FOXN3: variants seen among roughly 807,000 people sequenced by gnomAD.
FOXN3 encodes the protein forkhead box N3, also known as forkhead box protein N3.
FOXN3 carries 7 observed loss-of-function variants against 38.4 expected under a neutral mutation model. The ratio of observed to expected loss-of-function variants is 0.18; its 90% CI spans 0.10 to 0.34. The LOEUF is 0.34. Ranked by LOEUF, FOXN3 falls within the 10% of genes least tolerant of loss-of-function variation. The pLI is 1.00. For synonymous variants in FOXN3, 230 were observed against 242.2 expected, an observed-to-expected ratio of 0.95 and a Z score of 0.47; for missense variants, 456 against 613.4, an observed-to-expected ratio of 0.74 and a Z score of 2.71.
intron 3 of FOXN3, among the ~76,000 whole-genome samples, chr14:89,287,791 CT>C (rs1232036805): frequency 6.7e-6 from 1 of 148,164 alleles, no homozygotes; most frequent in Non-Finnish European, 1.5e-5. Flanking sequence ...TGGCTCACCC[CT>C]GTAACCTCAG....
chr14:89,449,854 C>T (rs1157842277), intron 1 of FOXN3, among the ~76,000 whole-genome samples: 1 of 152,070 alleles, frequency 6.6e-6, no homozygotes, highest in Non-Finnish European at 1.5e-5. Flanking sequence ...ATGGGGAGAG[C>T]CAGAACACTG....
intron 4 of FOXN3, among the ~76,000 whole-genome samples, chr14:89,260,968 T>G (rs1357768183): frequency 3.3e-5 from 5 of 152,226 alleles, no homozygotes; most frequent in Non-Finnish European, 7.3e-5. Flanking sequence ...CCAATTTACA[T>G]GTTAGCATAT....
At chr14:89,433,634 C>G (rs759931949) in intron 1 of FOXN3, among the ~76,000 whole-genome samples, 6 of 152,008 alleles carry the variant, frequency 3.9e-5, no homozygotes, top group Non-Finnish European at 5.9e-5. Context: ...GAAACTCTGT[C>G]TCTACTAAAA....
intron 2 of FOXN3, among the ~76,000 whole-genome samples, chr14:89,369,237 C>T (rs148014545): frequency 3.3e-5 from 5 of 152,294 alleles, no homozygotes; most frequent in East Asian, 1.9e-4. Context: ...AAATTTTTAA[C>T]TCACTCATTA....
At chr14:89,182,325 T>A (rs1011918912) in intron 4 of FOXN3, among the ~76,000 whole-genome samples, 1 of 152,236 alleles carries the variant, frequency 6.6e-6, no homozygotes, top group Admixed American at 6.5e-5. Context: ...ATTCTGCACT[T>A]CTTGCTAATA....
intron 4 of FOXN3, among the ~76,000 whole-genome samples, chr14:89,236,571 T>C (rs967181282): frequency 2.0e-5 from 3 of 152,178 alleles, no homozygotes; most frequent in East Asian, 3.9e-4. Flanking sequence ...CTGAGGACTC[T>C]GGAGCTTTAG....
intron 1 of FOXN3, among the ~76,000 whole-genome samples, chr14:89,547,164 A>C (rs1314970346): frequency 2.0e-5 from 3 of 152,220 alleles, no homozygotes; most frequent in African/African-American, 7.2e-5. Context: ...GGGAATGTGA[A>C]ATTGGATAAC....
At position 89,163,738 on chromosome 14, in the gene FOXN3, T is replaced by A. The variant is rs574207351; in HGVS notation, c.852-769A>T. Among the ~76,000 whole-genome samples, 69 of 152,332 alleles carry A rather than the reference T, an allele frequency of 4.5e-4. No individual in the cohort carries two copies. The highest frequency in any genetic ancestry group is 1.0e-3 in the South Asian group (5 of 4,820). On this transcript the variant is annotated intron_variant, in intron 5 of 5. Coordinates refer to ENST00000557258, the MANE Select transcript of FOXN3 (RefSeq NM_005197.4). This position sits in a 1 kb window ranked among gnomAD's most constrained non-coding sequence, Gnocchi z 4.3. ...CATGTTTAACTCCGTAAGGTGGATA[T>A]TAGCATCCTTATTTTACAGTGGCTC...
chr14:89,593,422 T>G (rs1045753942), intron 1 of FOXN3, among the ~76,000 whole-genome samples: 2 of 152,084 alleles, frequency 1.3e-5, no homozygotes, highest in Non-Finnish European at 2.9e-5. Flanking sequence ...GTAGATCACC[T>G]AAAGTCAGGA....
intron 5 of FOXN3, among the ~76,000 whole-genome samples, chr14:89,168,768 G>A (rs189772750): frequency 7.7e-4 from 117 of 152,248 alleles, no homozygotes; most frequent in African/African-American, 2.8e-3. Context: ...AAGCCAACAC[G>A]TCCCATGCGG....
At position 89,182,901 on chromosome 14, in the gene FOXN3, A is replaced by T. The variant is rs58432668; in HGVS notation, c.746-2095T>A. Among the ~76,000 whole-genome samples, 784 of 152,312 alleles carry T rather than the reference A, an allele frequency of 5.1e-3. 9 individuals carry two copies. The highest frequency in any genetic ancestry group is 0.018 in the African/African-American group (746 of 41,566). On this transcript the variant is annotated intron_variant, in intron 4 of 5. Transcript: ENST00000557258. ...AAAGCAAGTGTTAGAACAACCAGAGATCCATTTGGGAAAAAAATGAACCTT... is the reference window on the plus strand; with the variant it reads ...AAAGCAAGTGTTAGAACAACCAGAGTTCCATTTGGGAAAAAAATGAACCTT...
intron 4 of FOXN3, among the ~76,000 whole-genome samples, chr14:89,279,142 C>G (rs1314960465): frequency 6.6e-6 from 1 of 152,178 alleles, no homozygotes; most frequent in Non-Finnish European, 1.5e-5. Flanking sequence ...CTCCCAAGCT[C>G]TCATCAAGAT....
chr14:89,554,954 G>A (rs145049271), intron 1 of FOXN3, among the ~76,000 whole-genome samples: 16,791 of 151,628 alleles, frequency 0.11, 2,107 homozygotes, highest in African/African-American at 0.31. Context: ...ATGCCTGGCT[G>A]GTTTTTTTGT....
chr14:89,389,032 T>G (rs1890865037), intron 2 of FOXN3, among the ~76,000 whole-genome samples: 1 of 152,068 alleles, frequency 6.6e-6, no homozygotes, highest in African/African-American at 2.4e-5. Flanking sequence ...CTACAAGGGC[T>G]GATTTTGGAG....
intron 1 of FOXN3, chr14:89,576,344 T>TA (rs1348842052): frequency 6.6e-6 from 1 of 152,224 alleles, no homozygotes; most frequent in Non-Finnish European, 1.5e-5. Context: ...GCTAGGAATG[T>TA]AATGTTGACA....
At chr14:89,290,974 G>T in intron 3 of FOXN3, 1 of 380,196 alleles carries the variant, frequency 2.6e-6, no homozygotes, top group Non-Finnish European at 5.2e-6. Flanking sequence ...TGTGGGTGCT[G>T]CGGACCTGTT....
At chr14:89,559,100 C>T (rs949638213) in intron 1 of FOXN3, among the ~76,000 whole-genome samples, 1 of 152,004 alleles carries the variant, frequency 6.6e-6, no homozygotes, top group Non-Finnish European at 1.5e-5. Context: ...TGGCTCACAC[C>T]GGTAATCCCA....
chr14:89,247,844 G>A (rs915258100), intron 4 of FOXN3, among the ~76,000 whole-genome samples: 2 of 152,080 alleles, frequency 1.3e-5, no homozygotes, highest in Non-Finnish European at 2.9e-5. Flanking sequence ...CAGTGATCTG[G>A]CCTCTGCTAA....
intron 1 of FOXN3, among the ~76,000 whole-genome samples, chr14:89,492,388 G>T (rs960224033): frequency 6.6e-6 from 1 of 151,630 alleles, no homozygotes; most frequent in Non-Finnish European, 1.5e-5. Context: ...GAAGTTGGGG[G>T]TACAAGTGGG....
Sources: gnomAD v4.1 joint callset for allele counts (sites outside exome capture counted in the v4.1 genomes callset) on GRCh38, gnomAD v4.1.1 for gene constraint, Gnocchi (gnomAD v3.1) non-coding constraint, MANE v1.5 for transcripts, NCBI Gene and HGNC (gene_info 2026-07-23, HGNC 2026-07-21) for gene names.